Variants in ANKRD30B observed in about 807,000 individuals in gnomAD.
ANKRD30B encodes the protein ankyrin repeat domain 30B, also known as ankyrin repeat domain-containing protein 30B.
ANKRD30B carries 144 observed loss-of-function variants against 202.2 expected under a neutral mutation model. That is an observed-to-expected ratio of 0.71 (90% CI 0.62 to 0.82). The LOEUF is 0.82. Ranked by LOEUF, ANKRD30B falls within the 40% of genes least tolerant of loss-of-function variation. The pLI is 0.00. For synonymous variants in ANKRD30B, 508 were observed against 561.3 expected (o/e 0.91, Z 1.34); for missense variants, 1,487 against 1,669.1 (o/e 0.89, Z 1.90).
At chr18:14,847,736 A>T (rs1971712347) in intron 39 of ANKRD30B, among the ~76,000 whole-genome samples, 1 of 151,592 alleles carries the variant, frequency 6.6e-6, no homozygotes, top group Non-Finnish European at 1.5e-5. Flanking sequence ...ACCTGAGGCA[A>T]GGCCTTTCAG....
chr18:14,806,658 G>A (rs543613338), intron 24 of ANKRD30B, among the ~76,000 whole-genome samples: 6 of 148,960 alleles, frequency 4.0e-5, no homozygotes, highest in South Asian at 2.2e-4. Context: ...AGTGATAAAC[G>A]GTTCGTTGAT....
intron 9 of ANKRD30B, among the ~76,000 whole-genome samples, chr18:14,773,152 TTTAA>T (rs2143808151): frequency 6.6e-6 from 1 of 152,298 alleles, no homozygotes; most frequent in Admixed American, 6.5e-5. Context: ...ATAGTAAGAT[TTTAA>T]TTTCAGAATT....
At chr18:14,821,634 T>C (rs1238722812) in intron 30 of ANKRD30B, among the ~76,000 whole-genome samples, 1 of 152,104 alleles carries the variant, frequency 6.6e-6, no homozygotes, top group African/African-American at 2.4e-5. Context: ...ATTTTTGTAT[T>C]TTTTGTGGAG....
At chr18:14,833,450 G>GT (rs1383004132) in intron 34 of ANKRD30B, among the ~76,000 whole-genome samples, 1 of 152,094 alleles carries the variant, frequency 6.6e-6, no homozygotes, top group African/African-American at 2.4e-5. Flanking sequence ...GGGTTTCATC[G>GT]TGTTAGCCAG....
intron 26 of ANKRD30B, among the ~76,000 whole-genome samples, chr18:14,809,709 G>C (rs1326467797): frequency 3.3e-5 from 5 of 150,968 alleles, no homozygotes; most frequent in African/African-American, 9.8e-5. Context: ...GCTCATTCTG[G>C]CAGTCCAACC....
chr18:14,928,938 A>G, the ANKRD30B span, among the ~76,000 whole-genome samples: 1 of 152,136 alleles, frequency 6.6e-6, no homozygotes, highest in South Asian at 2.1e-4. Flanking sequence ...CATCCTTTAC[A>G]CAGCTGCCAT....
chr18:14,938,850 A>C, the ANKRD30B span, among the ~76,000 whole-genome samples: 4 of 152,200 alleles, frequency 2.6e-5, no homozygotes, highest in African/African-American at 9.7e-5. Flanking sequence ...TGGATCAGAC[A>C]AAAAAGGGAG....
At chr18:14,867,675 G>A in the ANKRD30B span, among the ~76,000 whole-genome samples, 4 of 152,142 alleles carry the variant, frequency 2.6e-5, no homozygotes, top group Non-Finnish European at 5.9e-5. Flanking sequence ...CTTGGGTGGG[G>A]AGGACTGGCT....
the ANKRD30B span, among the ~76,000 whole-genome samples, chr18:14,927,787 T>C: frequency 4.6e-5 from 7 of 152,204 alleles, no homozygotes; most frequent in Non-Finnish European, 4.4e-5. Flanking sequence ...ATCTCAAATA[T>C]ATGCAGCTTT....
At chr18:14,887,399 A>T in the ANKRD30B span, among the ~76,000 whole-genome samples, 29 of 152,176 alleles carry the variant, frequency 1.9e-4, no homozygotes, top group African/African-American at 6.5e-4. Context: ...CTAAAATATG[A>T]TACTTTTCTA....
the ANKRD30B span, among the ~76,000 whole-genome samples, chr18:14,913,236 G>A: frequency 6.6e-6 from 1 of 152,190 alleles, no homozygotes; most frequent in East Asian, 1.9e-4. Flanking sequence ...GTTACCCAGG[G>A]TTAGCTATTA....
chr18:14,877,572 T>C, the ANKRD30B span: 1 of 151,382 alleles, frequency 6.6e-6, no homozygotes, highest in South Asian at 2.1e-4. Context: ...ACTTTTTCTG[T>C]GTAAGATTAT....
chr18:14,839,359 T>C (rs544678355), intron 36 of ANKRD30B, among the ~76,000 whole-genome samples: 108 of 152,268 alleles, frequency 7.1e-4, no homozygotes, highest in African/African-American at 2.5e-3. Flanking sequence ...ATCTCAAAGA[T>C]GAGGAGTAAG....
the ANKRD30B span, among the ~76,000 whole-genome samples, chr18:14,867,029 G>C: frequency 6.6e-6 from 1 of 150,384 alleles, no homozygotes; most frequent in African/African-American, 2.4e-5. Context: ...TGGGGGAAAG[G>C]GGAAGGTGGG....
At chr18:14,820,691 C>A (rs1970369316) in intron 30 of ANKRD30B, among the ~76,000 whole-genome samples, 1 of 152,222 alleles carries the variant, frequency 6.6e-6, no homozygotes. Flanking sequence ...ATTGAACCAG[C>A]CTTGCATCCC....
At chr18:14,756,845 T>A (rs1203202023) in intron 4 of ANKRD30B, among the ~76,000 whole-genome samples, 1 of 152,130 alleles carries the variant, frequency 6.6e-6, no homozygotes, top group Non-Finnish European at 1.5e-5. Flanking sequence ...TGAGCTGAGA[T>A]CATGCTACCA....
At chr18:14,835,086 A>G (rs1971115309) in intron 34 of ANKRD30B, among the ~76,000 whole-genome samples, 1 of 151,856 alleles carries the variant, frequency 6.6e-6, no homozygotes, top group Non-Finnish European at 1.5e-5. Flanking sequence ...TTGATAATAG[A>G]GTATAAATAA....
chr18:14,839,592 A>T (rs1473383377), intron 36 of ANKRD30B, among the ~76,000 whole-genome samples: 3 of 152,316 alleles, frequency 2.0e-5, no homozygotes, highest in Admixed American at 6.5e-5. Flanking sequence ...TTTTCTCTTT[A>T]TATGAAGGCT....
In ANKRD30B at chr18:14,852,139, C is replaced by G. The variant is rs1971912891; in HGVS notation, c.4195C>G (p.His1399Asp). Residue 1399 changes from histidine to aspartate, a missense_variant, in exon 42 of 44, where the codon CAC (histidine) becomes GAC (aspartate). Physicochemically the swap from His to Asp is moderately conservative, Grantham distance 81 (BLOSUM62 -1). Coordinates refer to ENST00000690538, the MANE Select transcript of ANKRD30B (RefSeq NM_001367607.2). ...ACAGTGTCAAATGAAGAAAGCTGAA[C>G]ACATGTATCAAAATGAACAAGATAA... ...ETQCQMKKAE[H>D]MYQNEQDNVD... 6.3e-7 allele frequency: 1 copy of G among 1,596,844 alleles called. No homozygotes were observed. Among genetic ancestry groups the G allele is most frequent in the Non-Finnish European group, 8.5e-7 (1 of 1,171,404 alleles).
Sources: allele counts gnomAD v4.1 joint callset (sites outside exome capture counted in the v4.1 genomes callset), GRCh38; gene constraint gnomAD v4.1.1; transcripts MANE v1.5; gene names NCBI Gene and HGNC (gene_info 2026-07-23, HGNC 2026-07-21).